MSRB1: variants seen among roughly 807,000 people sequenced by gnomAD.
MSRB1 encodes the protein methionine-R-sulfoxide reductase B1.
A neutral mutation model predicts 15.2 loss-of-function variants in MSRB1; 13 were observed. That is an observed-to-expected ratio of 0.86 (90% CI 0.56 to 1.36). The LOEUF is 1.36. Among genes scored for constraint, MSRB1 ranks in the 40% most tolerant of loss-of-function variants. MSRB1 has a pLI of 0.00. For synonymous variants in MSRB1, 68 were observed against 64.5 expected (o/e 1.05, Z -0.26); for missense variants, 174 against 155.9 (o/e 1.12, Z -0.62).
intron 1 of MSRB1, chr16:1,941,781 T>G: frequency 4.3e-6 from 1 of 234,952 alleles, no homozygotes; most frequent in South Asian, 5.3e-5. Context: ...CCCAGGAACA[T>G]AGAGGGCAGG....
rs770971469 is a variant in MSRB1 at position 1,941,353 on chromosome 16, C to T, written c.108G>A (p.Lys36=). 1.9e-6 allele frequency: 3 copies of T among 1,613,754 alleles called. No individual in the cohort carries two copies. Among genetic ancestry groups the T allele is most frequent in the African/African-American group, 1.3e-5 (1 of 74,870 alleles). The change falls in exon 2 of 4, where the codon AAG becomes AAA. Residue 36 remains lysine, a synonymous_variant. Coordinates refer to ENST00000361871, the MANE Select transcript of MSRB1 (RefSeq NM_016332.4). ...CGYELFSSRS[K]YAHSSPWPAF... is the part of the protein sequence containing the mutation. ...CCGGCCATGGAGACGAGTGTGCATA[C>T]TTCGAGCGGCTGGAGAACAGCTCAT...
Position 1,943,083 on chromosome 16 carries a change from G to C in MSRB1, c.55+19C>G. On this transcript the variant is annotated intron_variant, in intron 1 of 3. Transcript: ENST00000361871. ...CCCCCCGCCGCGCTGCCCTCCCAGCGAGAGGCCGCAGGACCAACCAGGTTC... is the reference window on the plus strand; with the variant it reads ...CCCCCCGCCGCGCTGCCCTCCCAGCCAGAGGCCGCAGGACCAACCAGGTTC... 1 of 1,553,022 alleles carries C rather than the reference G, an allele frequency of 6.4e-7. No individual in the cohort carries two copies. The highest frequency in any genetic ancestry group is 1.2e-5 in the South Asian group (1 of 84,302).
chr16:1,942,970 G>T, intron 1 of MSRB1, 132 bp downstream of exon 1: 1 of 1,279,330 alleles, frequency 7.8e-7, no homozygotes, highest in Non-Finnish European at 1.1e-6. Context: ...ACCCCTGTTC[G>T]CTTCTCCCCG....
chr16:1,940,729 G>A (rs2083071056), intron 3 of MSRB1, 49 bp downstream of exon 3: 1 of 1,572,288 alleles, frequency 6.4e-7, no homozygotes, highest in Non-Finnish European at 8.6e-7. Flanking sequence ...CCCCCAGCCT[G>A]GGCTCAAAGG....
Position 1,940,775 on chromosome 16 carries a change from C to T in MSRB1, c.319+3G>A, listed in dbSNP as rs1308862015. The T allele has an allele frequency of 1.2e-6, 2 of 1,610,878 alleles. No homozygotes were observed. Among genetic ancestry groups the T allele is most frequent in the East Asian group, 2.2e-5 (1 of 44,788 alleles). On this transcript the variant is annotated splice_donor_region_variant and intron_variant, in intron 3 of 3. Transcript: ENST00000361871. The stretch of plus-strand genomic sequence containing the variant: ...TGGCCCCAGCTGTGCAAAGCAAGCT[C>T]ACCTTTAGGGACAAACTTCAGCGAG...
chr16:1,942,205 G>A (rs1442321697), intron 1 of MSRB1, among the ~76,000 whole-genome samples: 1 of 152,236 alleles, frequency 6.6e-6, no homozygotes, highest in African/African-American at 2.4e-5. Context: ...TGGAAGTGGA[G>A]TTTCTGGCTT....
rs538163098 is a variant in MSRB1 at position 1,942,941 on chromosome 16, C to G, written c.55+161G>C. 5.9e-5 allele frequency among the ~76,000 whole-genome samples: 9 copies of G among 152,226 alleles called. No individual in the cohort carries two copies. In the East Asian group the frequency reaches 1.7e-3, roughly 30 times the overall value. On this transcript the variant is annotated intron_variant, in intron 1 of 3. Transcript: ENST00000361871. ...ACTCTCCTCGCCCCCAGGCTCCCCA[C>G]TCCTCCGCAGTCCTTTTGACCCCTG...
At chr16:1,942,846 G>A (rs182237631) in intron 1 of MSRB1, among the ~76,000 whole-genome samples, 8 of 152,180 alleles carry the variant, frequency 5.3e-5, no homozygotes, top group Non-Finnish European at 8.8e-5. Context: ...CCCCGAAACG[G>A]CACGTTCACA....
intron 3 of MSRB1, among the ~76,000 whole-genome samples, chr16:1,939,978 TA>T (rs2083065821): frequency 6.6e-6 from 1 of 150,476 alleles, no homozygotes; most frequent in Non-Finnish European, 1.5e-5. Flanking sequence ...AATTAAAAAT[TA>T]ACCAGGTGTG....
intron 2 of MSRB1, 164 bp downstream of exon 2, chr16:1,941,093 T>G: frequency 6.4e-7 from 1 of 1,550,976 alleles, no homozygotes; most frequent in Non-Finnish European, 8.7e-7. Flanking sequence ...AAGGCCAGGC[T>G]CTCCCGATAG....
At chr16:1,941,560 C>T in intron 1 of MSRB1, 155 bp from the exon 2 acceptor site, 1 of 1,029,464 alleles carries the variant, frequency 9.7e-7, no homozygotes, top group Non-Finnish European at 1.4e-6. Context: ...AGGCGCTGTG[C>T]TGAGCTCACG....
intron 2 of MSRB1, 31 bp downstream of exon 2, chr16:1,941,226 C>T (rs1453511372): frequency 6.2e-7 from 1 of 1,612,912 alleles, no homozygotes; most frequent in Non-Finnish European, 8.5e-7. Flanking sequence ...CTGGCCGCCC[C>T]CGTCCCTCCC....
intron 1 of MSRB1, 60 bp downstream of exon 1, chr16:1,943,042 C>T (rs1297696469): frequency 4.5e-6 from 7 of 1,542,338 alleles, no homozygotes; most frequent in African/African-American, 2.7e-5. Context: ...GACGGCGGCG[C>T]CCCCGCTAAT....
chr16:1,939,558 G>A (rs981068767), intron 3 of MSRB1, among the ~76,000 whole-genome samples: 5 of 152,226 alleles, frequency 3.3e-5, no homozygotes, highest in African/African-American at 9.6e-5. Context: ...TTTCAGGCGA[G>A]GCAGTGGCTC....
intron 1 of MSRB1, among the ~76,000 whole-genome samples, chr16:1,942,326 A>G (rs1025002663): frequency 2.0e-5 from 3 of 152,222 alleles, no homozygotes; most frequent in African/African-American, 7.2e-5. Context: ...GGTGCCACCC[A>G]GCAGATCCGC....
intron 2 of MSRB1, 165 bp from the exon 3 acceptor site, chr16:1,941,057 T>G (rs1306680335): frequency 6.4e-7 from 1 of 1,551,406 alleles, no homozygotes; most frequent in Non-Finnish European, 8.7e-7. Flanking sequence ...ACAGGAAACC[T>G]GTCCTGTTTC....
chr16:1,939,278 G>C, intron 3 of MSRB1, 135 bp from the exon 4 acceptor site: 1 of 1,012,844 alleles, frequency 9.9e-7, no homozygotes, highest in Non-Finnish European at 1.4e-6. Context: ...TTCAGGTGCC[G>C]TTCCCTGCGC....
chr16:1,940,856 C>T lies in MSRB1; in HGVS notation c.241G>A (p.Glu81Lys), dbSNP rs750942303. 1.9e-6 allele frequency: 3 copies of T among 1,614,042 alleles called. No individual in the cohort carries two copies. Among genetic ancestry groups the T allele is most frequent in the African/African-American group, 2.7e-5 (2 of 74,934 alleles). ...CGKCGNGLGH[E>K]FLNDGPKPGQ... ...GGCTTGGGGCCGTCGTTCAGGAACT[C>T]GTGGCCCAACCCATTGCCACACTTG... is the stretch of plus-strand genomic sequence containing the variant. The change falls in exon 3 of 4, where the codon GAG (glutamate) becomes AAG (lysine). Residue 81 changes from glutamate (E) to lysine (K), a missense_variant. Glu to Lys is a moderately conservative substitution (Grantham distance 56). Coordinates refer to ENST00000361871, the MANE Select transcript of MSRB1 (RefSeq NM_016332.4).
In MSRB1 at chr16:1,941,320, G is replaced by A. The variant is rs372966990; in HGVS notation, c.141C>T (p.Thr47=). 37 of 1,613,750 alleles carry A rather than the reference G, an allele frequency of 2.3e-5. No individual in the cohort carries two copies. Among genetic ancestry groups the A allele is most frequent in the Non-Finnish European group, 2.8e-5 (33 of 1,180,012 alleles). Residue 47 remains threonine, a synonymous_variant, in exon 2 of 4, where the codon ACC becomes ACT. Transcript: ENST00000361871. The stretch of plus-strand genomic sequence containing the variant: ...CCACGCTGTCGGCGTGAATGGTCTC[G>A]GTGAACGCCGGCCATGGAGACGAGT... ...YAHSSPWPAF[T]ETIHADSVAK...
Sources: gnomAD v4.1 joint callset for allele counts (sites outside exome capture counted in the v4.1 genomes callset) on GRCh38, gnomAD v4.1.1 for gene constraint, MANE v1.5 for transcripts, NCBI Gene and HGNC (gene_info 2026-07-23, HGNC 2026-07-21) for gene names.